JAM2: variants seen among roughly 807,000 people sequenced by gnomAD.
JAM2 encodes junctional adhesion molecule 2, also known as junctional adhesion molecule B.
A neutral mutation model predicts 42.0 loss-of-function variants in JAM2; 17 were observed. The observed-to-expected ratio is 0.40, with a 90% CI of 0.28 to 0.61. JAM2 has a LOEUF of 0.61. Among genes scored for constraint, JAM2 ranks in the 20% least tolerant of loss-of-function variants. The pLI, the probability that JAM2 is intolerant of heterozygous loss-of-function variation, is 0.37. For synonymous variants in JAM2, 118 were observed against 128.6 expected (o/e 0.92, Z 0.56); for missense variants, 319 against 358.3 (o/e 0.89, Z 0.89).
chr21:25,705,056 T>C (rs2034243733), intron 6 of JAM2, among the ~76,000 whole-genome samples: 1 of 152,218 alleles, frequency 6.6e-6, no homozygotes, highest in African/African-American at 2.4e-5. Context: ...TTAACAGTCA[T>C]AGGAAAAGCC....
At chr21:25,701,192 G>A (rs1033727612) in intron 5 of JAM2, among the ~76,000 whole-genome samples, 1 of 152,176 alleles carries the variant, frequency 6.6e-6, no homozygotes, top group Non-Finnish European at 1.5e-5. Flanking sequence ...TGTAACCTTG[G>A]CCATGAGTTC....
intron 1 of JAM2, among the ~76,000 whole-genome samples, chr21:25,642,945 T>C (rs908465700): frequency 1.1e-4 from 17 of 152,236 alleles, no homozygotes; most frequent in African/African-American, 4.1e-4. Flanking sequence ...GCCCACTTCC[T>C]GGTTCATAGA....
intron 1 of JAM2, among the ~76,000 whole-genome samples, chr21:25,643,285 G>A (rs1386956973): frequency 2.0e-5 from 3 of 152,200 alleles, no homozygotes; most frequent in African/African-American, 7.2e-5. Context: ...TAATAGGAAT[G>A]AGTATTCCGT....
At chr21:25,674,493 C>T (rs754484390) in intron 1 of JAM2, among the ~76,000 whole-genome samples, 1 of 152,168 alleles carries the variant, frequency 6.6e-6, no homozygotes, top group Non-Finnish European at 1.5e-5. Context: ...GATTTTAGTG[C>T]AGTGGAGTCA....
chr21:25,675,404 G>A (rs886791940), intron 1 of JAM2, among the ~76,000 whole-genome samples: 21 of 152,060 alleles, frequency 1.4e-4, no homozygotes, highest in Admixed American at 2.0e-4. Context: ...GCCGAAGCAC[G>A]AAAACCAGTT....
chr21:25,639,993 G>A (rs2032384590), intron 1 of JAM2, 105 bp downstream of exon 1: 3 of 778,288 alleles, frequency 3.9e-6, no homozygotes, highest in South Asian at 2.1e-5. Context: ...GCTCTGGGCC[G>A]AGGTCGCCGC....
At chr21:25,665,553 T>C (rs57159074) in intron 1 of JAM2, among the ~76,000 whole-genome samples, 13,111 of 152,144 alleles carry the variant, frequency 0.086, 858 homozygotes, top group East Asian at 0.37. Flanking sequence ...TTTAAGGAAT[T>C]GGTTCATGTG....
At chr21:25,679,881 T>C (rs1316183325) in intron 1 of JAM2, among the ~76,000 whole-genome samples, 3 of 152,200 alleles carry the variant, frequency 2.0e-5, no homozygotes, top group African/African-American at 7.2e-5. Flanking sequence ...AGCACAGTAA[T>C]TAACTATGTG....
intron 1 of JAM2, among the ~76,000 whole-genome samples, chr21:25,661,728 A>G (rs1169387598): frequency 6.6e-6 from 1 of 152,086 alleles, no homozygotes; most frequent in Non-Finnish European, 1.5e-5. Flanking sequence ...AGGGTCTGAT[A>G]GTGTTAAGAA....
At chr21:25,657,369 C>G (rs1423663259) in intron 1 of JAM2, among the ~76,000 whole-genome samples, 1 of 152,206 alleles carries the variant, frequency 6.6e-6, no homozygotes, top group Non-Finnish European at 1.5e-5. Context: ...TACAAGGTGA[C>G]TCATGGCAGG....
At chr21:25,699,056 C>T (rs1241014034) in intron 5 of JAM2, among the ~76,000 whole-genome samples, 177 bp downstream of exon 5, 1 of 152,158 alleles carries the variant, frequency 6.6e-6, no homozygotes, top group African/African-American at 2.4e-5. Context: ...AGAGCTACTA[C>T]AGGACATGGG....
chr21:25,688,243 G>GAT (rs2033794289), intron 2 of JAM2, among the ~76,000 whole-genome samples: 2 of 149,814 alleles, frequency 1.3e-5, no homozygotes, highest in African/African-American at 4.9e-5. Flanking sequence ...CACCAGGAGG[G>GAT]GTGTGTGTGT....
chr21:25,695,610 C>G (rs2033993416), intron 4 of JAM2, among the ~76,000 whole-genome samples: 1 of 150,202 alleles, frequency 6.7e-6, no homozygotes, highest in African/African-American at 2.5e-5. Context: ...AGGCGCCCCC[C>G]CACCTCCCTC....
intron 1 of JAM2, among the ~76,000 whole-genome samples, chr21:25,650,893 T>A (rs937190347): frequency 6.6e-6 from 1 of 151,998 alleles, no homozygotes; most frequent in African/African-American, 2.4e-5. Context: ...TGTAAAATGG[T>A]AGCATTTGAA....
intron 2 of JAM2, among the ~76,000 whole-genome samples, chr21:25,685,699 G>A (rs2033737525): frequency 6.6e-6 from 1 of 152,110 alleles, no homozygotes; most frequent in Admixed American, 6.5e-5. Flanking sequence ...GGTGGGAAGA[G>A]GAAATTAACG....
At chr21:25,714,260 AC>A in intron 9 of JAM2, 1 of 1,286,220 alleles carries the variant, frequency 7.8e-7, no homozygotes, top group Non-Finnish European at 1.0e-6. Context: ...TAATCCCAGC[AC>A]TTTGGAAGGC....
intron 6 of JAM2, 73 bp from the exon 7 acceptor site, chr21:25,705,906 C>A (rs1264919267): frequency 1.9e-6 from 2 of 1,047,686 alleles, no homozygotes; most frequent in Non-Finnish European, 3.0e-6. Context: ...TTTTTTTGAA[C>A]CTTTTCAATT....
chr21:25,711,285 G>A (rs1008033455), intron 8 of JAM2: 3 of 335,452 alleles, frequency 8.9e-6, no homozygotes, highest in Non-Finnish European at 1.8e-5. Context: ...AGGAGTCATT[G>A]GTACATGAAA....
intron 1 of JAM2, among the ~76,000 whole-genome samples, chr21:25,667,740 A>G (rs1280375734): frequency 6.6e-6 from 1 of 152,170 alleles, no homozygotes; most frequent in Non-Finnish European, 1.5e-5. Flanking sequence ...GCAAATATTT[A>G]CTGAGTACCA....
Sources: gnomAD v4.1 joint callset for allele counts (sites outside exome capture counted in the v4.1 genomes callset) on GRCh38, gnomAD v4.1.1 for gene constraint, MANE v1.5 for transcripts, NCBI Gene and HGNC (gene_info 2026-07-23, HGNC 2026-07-21) for gene names.